Variants in IGSF9B observed in about 807,000 individuals in gnomAD.
The protein encoded by IGSF9B is protein turtle homolog B.
IGSF9B carries 48 observed loss-of-function variants against 143.7 expected under a neutral mutation model. That is an observed-to-expected ratio of 0.33 (90% confidence interval 0.26 to 0.42). The LOEUF (loss-of-function observed/expected upper bound fraction) is 0.42. IGSF9B is among the 20% of genes least tolerant of loss of function. The probability of loss-of-function intolerance (pLI) is 1.00; values close to 1 mark genes in which losing one functional copy is unlikely to be tolerated. For synonymous variants in IGSF9B, 903 were observed against 833.1 expected (o/e 1.08, Z -1.44); for missense variants, 1,706 against 1,980.0 (o/e 0.86, Z 2.63).
In IGSF9B at chr11:133,897,471, T is replaced by C. The variant is rs1269083412; in HGVS notation, c.*11598A>G. On this transcript the variant is annotated 3_prime_UTR_variant, in exon 20 of 20. Coordinates refer to ENST00000533871, the MANE Select transcript of IGSF9B (RefSeq NM_001277285.4). ...GCTCAGGCAGCAGAAGGGTGTCCCA[T>C]CCTCACCGTCATCTTTTACTTCCCA... The C allele has an allele frequency of 6.6e-6, 1 of 152,196 alleles. No individual in the cohort carries two copies. Among genetic ancestry groups the C allele is most frequent in the Non-Finnish European group, 1.5e-5 (1 of 68,076 alleles). 9.4% of individuals were successfully genotyped at this position (152,196 alleles called of 1,614,324 possible).
At position 133,927,042 on chromosome 11, in the gene IGSF9B, G is replaced by A. The variant is rs1202725935; in HGVS notation, c.1681C>T (p.Pro561Ser). The A allele has an allele frequency of 1.3e-6, 2 of 1,563,708 alleles. No individual in the cohort carries two copies. Among genetic ancestry groups the A allele is most frequent in the African/African-American group, 1.4e-5 (1 of 73,600 alleles). Residue 561 changes from proline (P) to serine (S), a missense_variant, in exon 13 of 20, where the codon CCG becomes TCG. Coordinates refer to ENST00000533871, the MANE Select transcript of IGSF9B (RefSeq NM_001277285.4). ...ACCAGCAGCCAGCTGGGTCCTGGCG[G>A]CACTGGCAAGGACAGCCAGTCATGG... ...GPHDWLSLPV[P>S]PGPSWLLVDT... is the part of the protein sequence containing the mutation.
At position 133,921,270 on chromosome 11, in the gene IGSF9B, G is replaced by T; in HGVS notation, c.2455C>A (p.Leu819Met). The change falls in exon 18 of 20, where the codon CTG becomes ATG. Residue 819 changes from leucine to methionine, a missense_variant. By Grantham distance (15) the Leu-to-Met change is conservative. Coordinates refer to ENST00000533871, the MANE Select transcript of IGSF9B (RefSeq NM_001277285.4). ...ATGGCCCGCTTGGTCTTCTTGTACA[G>T]CGACAGCTCCTTCTCACGGGTGGGG... Reference protein sequence around the residue: ...LSPTREKELSLYKKTKRAISS... With the variant: ...LSPTREKELSMYKKTKRAISS... 3 of 1,611,320 alleles carry T rather than the reference G, an allele frequency of 1.9e-6. No homozygotes were observed. Among genetic ancestry groups the T allele is most frequent in the Non-Finnish European group, 2.5e-6 (3 of 1,179,168 alleles).
At chr11:133,911,740 G>C in intron 19 of IGSF9B, 146 bp downstream of exon 19, 1 of 577,004 alleles carries the variant, frequency 1.7e-6, no homozygotes, top group Non-Finnish European at 2.7e-6. Flanking sequence ...CAAAGGACAA[G>C]AGAAGCTTGT....
At position 133,929,766 on chromosome 11, in the gene IGSF9B, G is replaced by T. The variant is rs1240954148; in HGVS notation, c.1536C>A (p.Ala512=). The T allele has an allele frequency of 6.2e-7, 1 of 1,613,464 alleles. No individual in the cohort carries two copies. The highest frequency in any genetic ancestry group is 1.7e-5 in the Admixed American group (1 of 60,022). The change falls in exon 12 of 20, where the codon GCC becomes GCA. Residue 512 remains alanine (A), a synonymous_variant. Transcript: ENST00000533871. ...AGACCTGGACCCGGACACTGCCCGGGGCATGGGGGCTGGTGCCTGGAGATC... is the reference window on the plus strand; with the variant it reads ...AGACCTGGACCCGGACACTGCCCGGTGCATGGGGGCTGGTGCCTGGAGATC... ...HLTVIGTSPH[A]PGSVRVQVSM... is the part of the protein sequence containing the mutation.
At chr11:133,934,890 G>A (rs1048468244) in intron 7 of IGSF9B, among the ~76,000 whole-genome samples, 2 of 152,238 alleles carry the variant, frequency 1.3e-5, no homozygotes, top group Admixed American at 1.3e-4. Flanking sequence ...AACAATGCCA[G>A]CCTTTGTTGC....
rs1467533907 is a variant in IGSF9B, at chr11:133,945,916, CA to C, written c.262+144del. The C allele has an allele frequency of 3.1e-6, 2 of 639,440 alleles. No homozygotes were observed. The highest frequency in any genetic ancestry group is 5.4e-6 in the Non-Finnish European group (2 of 368,828). 39.6% of individuals were successfully genotyped at this position (639,440 alleles called of 1,614,324 possible). On this transcript the variant is annotated intron_variant, in intron 2 of 19. Transcript: ENST00000533871. The surrounding 1 kb of genome is among the most constrained non-coding windows in gnomAD (Gnocchi z 4.6). ...CCTCCCACCGCTTGATTAGAACCAA[CA>C]GAGGACAAAGGATGGGAGGAACCAG... is the stretch of plus-strand genomic sequence containing the variant.
In IGSF9B at chr11:133,922,518, G is replaced by A. The variant is rs747266393; in HGVS notation, c.2281+51C>T. 1.5e-5 allele frequency: 24 copies of A among 1,567,802 alleles called. No individual in the cohort carries two copies. The East Asian group carries it at 5.2e-4, about 34-fold the overall frequency. On this transcript the variant is annotated intron_variant, in intron 16 of 19. Transcript: ENST00000533871. The stretch of plus-strand genomic sequence containing the variant: ...AAAATGGTCCACCTCTCTTGATGGG[G>A]GGCATTTGAAACCGGGCCAGGGAGA...
chr11:133,939,840 C>T lies in IGSF9B; in HGVS notation c.410-1879G>A, dbSNP rs542862523. On this transcript the variant is annotated intron_variant, in intron 3 of 19. Coordinates refer to ENST00000533871, the MANE Select transcript of IGSF9B (RefSeq NM_001277285.4). The stretch of plus-strand genomic sequence containing the variant: ...CATACACCTTGCATGTCCTCGCACG[C>T]GTCATCACACGCACAAACACACACC... Among the ~76,000 whole-genome samples the T allele has an allele frequency of 2.5e-3, 378 of 150,864 alleles. 2 individuals are homozygous for T. Among genetic ancestry groups the T allele is most frequent in the African/African-American group, 8.7e-3 (359 of 41,052 alleles).
intron 1 of IGSF9B, among the ~76,000 whole-genome samples, chr11:133,955,529 C>T (rs1388790324): frequency 6.6e-6 from 1 of 152,194 alleles, no homozygotes; most frequent in Non-Finnish European, 1.5e-5. Flanking sequence ...GGAGAGGGTT[C>T]TCTGTCGGCG....
At position 133,920,048 on chromosome 11, in the gene IGSF9B, G is replaced by T; in HGVS notation, c.3677C>A (p.Pro1226Gln). The T allele has an allele frequency of 3.2e-6, 5 of 1,557,540 alleles. No homozygotes were observed. The highest frequency in any genetic ancestry group is 4.3e-6 in the Non-Finnish European group (5 of 1,153,880). ...CATCTCTGCCTGCTGCAGGAGGCCCGGGCGAGGCCGGGCACGGGCGGCGAG... is the reference window on the plus strand; with the variant it reads ...CATCTCTGCCTGCTGCAGGAGGCCCTGGCGAGGCCGGGCACGGGCGGCGAG... ...PELAARARPR[P>Q]GLLQQAEMSE... is the part of the protein sequence containing the mutation. The change falls in exon 18 of 20, where the codon CCG becomes CAG. Residue 1226 changes from proline to glutamine, a missense_variant. Physicochemically the swap from Pro to Gln is moderately conservative, Grantham distance 76. This residue lies in a region of IGSF9B where 880 missense variants were observed against 762.9 expected (regional missense o/e 1.15). Transcript: ENST00000533871.
chr11:133,937,512 G>A lies in IGSF9B; in HGVS notation c.562-19C>T, dbSNP rs775846052. The A allele has an allele frequency of 1.3e-5, 21 of 1,594,862 alleles. No individual in the cohort carries two copies. In the South Asian group the frequency reaches 2.0e-4, roughly 15 times the overall value. On this transcript the variant is annotated intron_variant, in intron 4 of 19. Coordinates refer to ENST00000533871, the MANE Select transcript of IGSF9B (RefSeq NM_001277285.4). Reference sequence around the variant, plus strand: ...CACTCACCTGGGAGCCCAAAACAGAGGGAGCTCAGCACCCACGCTCACACC... The same window carrying A: ...CACTCACCTGGGAGCCCAAAACAGAAGGAGCTCAGCACCCACGCTCACACC...
chr11:133,937,493 C>G lies in IGSF9B; in HGVS notation c.562G>C (p.Val188Leu), dbSNP rs1163583218. 2.5e-6 allele frequency: 4 copies of G among 1,612,302 alleles called. No individual in the cohort carries two copies. The highest frequency in any genetic ancestry group is 1.6e-4 in the Middle Eastern group (1 of 6,076). ...GTCACTGTCAGGCTGCCGTCACTCACCTGGGAGCCCAAAACAGAGGGAGCT... is the reference window on the plus strand; with the variant it reads ...GTCACTGTCAGGCTGCCGTCACTCAGCTGGGAGCCCAAAACAGAGGGAGCT... ...TLLGASGKYQ[V>L]SDGSLTVTSV... The change falls in exon 5 of 20, where the codon GTG becomes CTG. Residue 188 changes from valine to leucine, a missense_variant and splice_region_variant. Val to Leu is a conservative substitution (Grantham distance 32). This residue lies in a region of IGSF9B where 238 missense variants were observed against 452.6 expected (regional missense o/e 0.53). Coordinates refer to ENST00000533871, the MANE Select transcript of IGSF9B (RefSeq NM_001277285.4).
At chr11:133,922,281 C>A in intron 16 of IGSF9B, 59 bp from the exon 17 acceptor site, 2 of 1,465,364 alleles carry the variant, frequency 1.4e-6, no homozygotes, top group Non-Finnish European at 9.5e-7. Context: ...ACGCAGCACG[C>A]GCATCTGCAG....
At chr11:133,952,641 C>T (rs919746970) in intron 1 of IGSF9B, among the ~76,000 whole-genome samples, 1 of 149,084 alleles carries the variant, frequency 6.7e-6, no homozygotes, top group Non-Finnish European at 1.5e-5. Flanking sequence ...CACGTATGGG[C>T]ACATGTGCAC....
Position 133,910,300 on chromosome 11 carries a change from G to A in IGSF9B, c.4106-1023C>T, listed in dbSNP as rs185953137. 1.4e-4 allele frequency among the ~76,000 whole-genome samples: 22 copies of A among 152,254 alleles called. No homozygotes were observed. The East Asian group carries it at 2.3e-3, about 16-fold the overall frequency. On this transcript the variant is annotated intron_variant, in intron 19 of 19. Coordinates refer to ENST00000533871, the MANE Select transcript of IGSF9B (RefSeq NM_001277285.4). The stretch of plus-strand genomic sequence containing the variant: ...CGTGGTGGCTGTGTGTGGAGTCCAC[G>A]GTGCAAGGTACAAGGATAGGGCTGG...
chr11:133,938,161 G>T (rs1471886372), intron 3 of IGSF9B, 200 bp from the exon 4 acceptor site: 4 of 598,216 alleles, frequency 6.7e-6, no homozygotes, highest in Non-Finnish European at 8.8e-6. Context: ...GGCTGGCTGG[G>T]TCCAAATTCT....
intron 11 of IGSF9B, 118 bp downstream of exon 11, chr11:133,930,864 CTT>C (rs1163708323): frequency 2.8e-6 from 3 of 1,076,758 alleles, no homozygotes; most frequent in Non-Finnish European, 3.9e-6. Context: ...GCTGCACTGA[CTT>C]AGGAAGGGAG....
Position 133,921,223 on chromosome 11 carries a change from C to T in IGSF9B, c.2502G>A (p.Val834=), listed in dbSNP as rs925229513. 90 of 1,609,940 alleles carry T rather than the reference C, an allele frequency of 5.6e-5. No individual in the cohort carries two copies. The highest frequency in any genetic ancestry group is 7.1e-5 in the Non-Finnish European group (84 of 1,178,462). The change falls in exon 18 of 20, where the codon GTG becomes GTA. Residue 834 remains valine, a synonymous_variant. Coordinates refer to ENST00000533871, the MANE Select transcript of IGSF9B (RefSeq NM_001277285.4). ...KRAISSKKYS[V]AKAEAEAEAT... is the part of the protein sequence containing the mutation. ...CCTCTGCCTCGGCCTCTGCCTTGGC[C>T]ACGCTGTACTTCTTGCTGCTGATGG...
At chr11:133,919,691 G>A (rs1939472947) in intron 18 of IGSF9B, 51 bp downstream of exon 18, 4 of 1,174,314 alleles carry the variant, frequency 3.4e-6, no homozygotes, top group South Asian at 2.4e-5. Flanking sequence ...CGAGGCGGGT[G>A]GGGGAAGGAA....
Sources: allele counts gnomAD v4.1 joint callset (sites outside exome capture counted in the v4.1 genomes callset), GRCh38; gene constraint gnomAD v4.1.1; regional missense constraint gnomAD v4.1.1; non-coding constraint Gnocchi (gnomAD v3.1); transcripts MANE v1.5; gene names NCBI Gene and HGNC (gene_info 2026-07-23, HGNC 2026-07-21).